The following ZYG11A variants were observed in gnomAD, a reference collection of about 807,000 sequenced individuals.
ZYG11A encodes the protein zyg-11 family member A, cell cycle regulator.
In ZYG11A, 62 loss-of-function variants were observed where a neutral mutation model predicts 77.2. That is an observed-to-expected ratio of 0.80 (90% CI 0.65 to 0.99). The LOEUF is 0.99. Among genes scored for constraint, ZYG11A ranks in the 50% least tolerant of loss-of-function variants. The pLI, the probability that ZYG11A is intolerant of heterozygous loss-of-function variation, is 0.00. For missense variants in ZYG11A, 828 were observed against 896.8 expected, an observed-to-expected ratio of 0.92 and a Z score of 0.98; for synonymous variants, 315 against 324.6, an observed-to-expected ratio of 0.97 and a Z score of 0.32.
intron 10 of ZYG11A, among the ~76,000 whole-genome samples, chr1:52,878,800 A>G (rs1032517394): frequency 6.6e-6 from 1 of 151,894 alleles, no homozygotes; most frequent in Non-Finnish European, 1.5e-5. Context: ...TTAGCTGGGC[A>G]TGGTAGCACA....
intron 8 of ZYG11A, among the ~76,000 whole-genome samples, chr1:52,876,452 A>G (rs908212685): frequency 2.0e-4 from 31 of 152,322 alleles, no homozygotes; most frequent in African/African-American, 7.5e-4. Context: ...CACTCTTACG[A>G]CAACAGATAA....
At chr1:52,843,074 G>T (rs1262070049) in intron 1 of ZYG11A, 101 bp downstream of exon 1, 6 of 1,041,798 alleles carry the variant, frequency 5.8e-6, no homozygotes, top group Middle Eastern at 6.0e-4. Flanking sequence ...ACTTGCTGGG[G>T]AGTGTGGCCC....
At chr1:52,859,414 C>G (rs1285162093) in intron 3 of ZYG11A, among the ~76,000 whole-genome samples, 1 of 152,056 alleles carries the variant, frequency 6.6e-6, no homozygotes, top group Non-Finnish European at 1.5e-5. Context: ...CTGCTCACTG[C>G]AATCTCCGCC....
Position 52,864,045 on chromosome 1 carries a change from G to T in ZYG11A, c.1214G>T (p.Cys405Phe), listed in dbSNP as rs369185649. ...DLRVQFTASA[C>F]ALNLTRQGLA... The stretch of plus-strand genomic sequence containing the variant: ...CGAGTGCAGTTCACAGCCAGTGCTT[G>T]CGCTCTCAACCTAACACGCCAGGGC... Residue 405 changes from cysteine to phenylalanine, a missense_variant, in exon 5 of 14, where the codon TGC (cysteine) becomes TTC (phenylalanine). By Grantham distance (205) the Cys-to-Phe change is radical. Coordinates refer to ENST00000371528, the MANE Select transcript of ZYG11A (RefSeq NM_001004339.3). 49 of 1,551,692 alleles carry T rather than the reference G, an allele frequency of 3.2e-5. No homozygotes were observed. Among genetic ancestry groups the T allele is most frequent in the Non-Finnish European group, 4.0e-5 (46 of 1,147,026 alleles).
At chr1:52,863,142 A>C (rs535480167) in intron 4 of ZYG11A, among the ~76,000 whole-genome samples, 5 of 152,224 alleles carry the variant, frequency 3.3e-5, no homozygotes, top group African/African-American at 1.2e-4. Context: ...ATATACAAAA[A>C]AAAAGTCATT....
chr1:52,883,797 G>A (rs1478780845), intron 11 of ZYG11A, among the ~76,000 whole-genome samples: 1 of 151,882 alleles, frequency 6.6e-6, no homozygotes, highest in African/African-American at 2.4e-5. Flanking sequence ...TATTTATTTT[G>A]TTCCATTGTG....
Position 52,857,698 on chromosome 1 carries a change from G to C in ZYG11A, c.957G>C (p.Leu319Phe), listed in dbSNP as rs1400507060. ...LRPAMQFVGL[L>F]ATDAGSSDFF... ...CTGCCATGCAATTTGTGGGACTATT[G>C]GCCACGGATGCTGGCTCTTCTGACT... The change falls in exon 3 of 14, where the codon TTG becomes TTC. Residue 319 changes from leucine (L) to phenylalanine (F), a missense_variant. Leu to Phe is a conservative substitution (Grantham distance 22). Transcript: ENST00000371528. The C allele has an allele frequency of 2.6e-6, 4 of 1,551,956 alleles. No individual in the cohort carries two copies. In the East Asian group the frequency reaches 7.3e-5, roughly 28 times the overall value.
At chr1:52,884,727 G>C (rs974588471) in intron 11 of ZYG11A, among the ~76,000 whole-genome samples, 2 of 152,028 alleles carry the variant, frequency 1.3e-5, no homozygotes, top group African/African-American at 4.8e-5. Flanking sequence ...TGAGGGGCAG[G>C]GGATCTCAAC....
intron 2 of ZYG11A, among the ~76,000 whole-genome samples, chr1:52,856,234 C>T (rs995444484): frequency 6.6e-6 from 1 of 151,980 alleles, no homozygotes; most frequent in African/African-American, 2.4e-5. Context: ...GGTATGCCTC[C>T]CTATACTGAA....
In ZYG11A at chr1:52,845,635, ATT is replaced by A. The variant is rs34141053; in HGVS notation, c.90+2680_90+2681del. 2.7e-3 allele frequency among the ~76,000 whole-genome samples: 377 copies of A among 139,222 alleles called. 1 individual carries two copies. The highest frequency in any genetic ancestry group is 3.8e-3 in the Middle Eastern group (1 of 266). 91.3% of individuals were successfully genotyped at this position (139,222 alleles called of 152,430 possible). On this transcript the variant is annotated intron_variant, in intron 1 of 13. Coordinates refer to ENST00000371528, the MANE Select transcript of ZYG11A (RefSeq NM_001004339.3). The stretch of plus-strand genomic sequence containing the variant: ...CACTGCACCCAGCCTTTATTTTTGA[ATT>A]TTTTTTTTTTTTTTTTTACAGAGGA...
Position 52,867,958 on chromosome 1 carries a change from CTTTTTTTT to C in ZYG11A, c.1542+200_1542+207del, listed in dbSNP as rs1050261180. Among the ~76,000 whole-genome samples, 14 of 98,164 alleles carry C rather than the reference CTTTTTTTT, an allele frequency of 1.4e-4. No individual in the cohort carries two copies. In the South Asian group the frequency reaches 4.8e-3, roughly 34 times the overall value. 64.4% of individuals were successfully genotyped at this position (98,164 alleles called of 152,430 possible). A position where few individuals can be genotyped will look rare whatever the true frequency, so the allele number is the denominator to read the frequency against. On this transcript the variant is annotated intron_variant, in intron 8 of 13. Transcript: ENST00000371528. Reference sequence around the variant, plus strand: ...TCTTTTGGTATGTACCTCCACATTTCTTTTTTTTTTTTTTTTTTTTTTTTTTGAGACAG... The same window carrying C: ...TCTTTTGGTATGTACCTCCACATTTCTTTTTTTTTTTTTTTTTTGAGACAG...
chr1:52,848,365 C>T (rs12063106), intron 1 of ZYG11A, among the ~76,000 whole-genome samples: 3,824 of 152,250 alleles, frequency 0.025, 163 homozygotes, highest in African/African-American at 0.087. Flanking sequence ...GTCCACTCCC[C>T]CGTCATAAGC....
intron 1 of ZYG11A, among the ~76,000 whole-genome samples, chr1:52,851,931 T>TA (rs35560520): frequency 1.3e-5 from 2 of 148,806 alleles, no homozygotes; most frequent in African/African-American, 5.0e-5. Context: ...TTTTTTTTTT[T>TA]AATGATGGAG....
intron 1 of ZYG11A, 74 bp from the exon 2 acceptor site, chr1:52,854,391 A>G: frequency 2.2e-6 from 3 of 1,369,552 alleles, no homozygotes; most frequent in Non-Finnish European, 2.9e-6. Flanking sequence ...TGGAATAGGT[A>G]TGGCATGACC....
intron 1 of ZYG11A, among the ~76,000 whole-genome samples, chr1:52,844,836 ATTGATC>A (rs1645532187): frequency 6.6e-6 from 1 of 152,100 alleles, no homozygotes; most frequent in Admixed American, 6.5e-5. Flanking sequence ...ATTTTTGTAT[ATTGATC>A]TTGTATCCTA....
intron 1 of ZYG11A, among the ~76,000 whole-genome samples, chr1:52,843,686 T>TGC (rs1343452159): frequency 1.1e-4 from 12 of 106,442 alleles, no homozygotes; most frequent in Non-Finnish European, 1.9e-4. Context: ...TTTTCTTTCT[T>TGC]TCTTTTTTTT....
At chr1:52,862,592 G>A (rs537015992) in intron 4 of ZYG11A, among the ~76,000 whole-genome samples, 7 of 152,062 alleles carry the variant, frequency 4.6e-5, no homozygotes, top group Admixed American at 2.0e-4. Flanking sequence ...GATTACAGGC[G>A]TGAGCCACTG....
At position 52,877,987 on chromosome 1, in the gene ZYG11A, G is replaced by C; in HGVS notation, c.1749+18G>C. 3.9e-6 allele frequency: 6 copies of C among 1,550,190 alleles called. No individual in the cohort carries two copies. The highest frequency in any genetic ancestry group is 5.2e-6 in the Non-Finnish European group (6 of 1,146,488). ...GTCTTTTGGTAAGGTGAATTGTTTT[G>C]AATTAATTTTAATTGCTTAAAAGCA... is the stretch of plus-strand genomic sequence containing the variant. On this transcript the variant is annotated intron_variant, in intron 10 of 13. Coordinates refer to ENST00000371528, the MANE Select transcript of ZYG11A (RefSeq NM_001004339.3).
chr1:52,885,710 GTGAT>G, intron 11 of ZYG11A, 119 bp from the exon 12 acceptor site: 1 of 667,356 alleles, frequency 1.5e-6, no homozygotes, highest in South Asian at 2.0e-5. Context: ...TAATCGTTAT[GTGAT>G]TGATATTTTG....
Sources: gnomAD v4.1 joint callset for allele counts (sites outside exome capture counted in the v4.1 genomes callset) on GRCh38, gnomAD v4.1.1 for gene constraint, MANE v1.5 for transcripts, NCBI Gene and HGNC (gene_info 2026-07-23, HGNC 2026-07-21) for gene names.